PCDHA9: variants seen among roughly 807,000 people sequenced by gnomAD.
PCDHA9 encodes protocadherin alpha-9.
Under a neutral mutation model 62.0 loss-of-function variants are expected in PCDHA9, and 62 were observed. That is an observed-to-expected ratio of 1.00 (90% CI 0.81 to 1.23). PCDHA9 has a LOEUF of 1.23. Ranked by LOEUF, PCDHA9 falls within the 50% of genes most tolerant of loss-of-function variation. The pLI is 0.00. For missense variants in PCDHA9, 1,205 were observed against 1,249.8 expected, an observed-to-expected ratio of 0.96 and a Z score of 0.54; for synonymous variants, 557 against 567.6, an observed-to-expected ratio of 0.98 and a Z score of 0.27.
intron 1 of PCDHA9, chr5:140,928,218 A>G: frequency 6.2e-7 from 1 of 1,614,190 alleles, no homozygotes; most frequent in East Asian, 2.2e-5. Flanking sequence ...ATGACAATAC[A>G]CCAAACTTTC....
intron 1 of PCDHA9, among the ~76,000 whole-genome samples, chr5:140,948,862 C>T (rs1419321480): frequency 6.6e-6 from 1 of 151,398 alleles, no homozygotes; most frequent in Admixed American, 6.6e-5. Context: ...TCTTATATTA[C>T]TTCGGGTTTA....
intron 1 of PCDHA9, chr5:140,854,476 A>G (rs1156843367): frequency 6.7e-6 from 1 of 150,032 alleles, no homozygotes. Flanking sequence ...GTAGAGAAGT[A>G]TAGAAACAGA....
At chr5:140,999,526 C>A (rs1429753507) in intron 3 of PCDHA9, among the ~76,000 whole-genome samples, 2 of 152,026 alleles carry the variant, frequency 1.3e-5, no homozygotes, top group Non-Finnish European at 2.9e-5. Context: ...TTTGTTACCC[C>A]CTGGATATGA....
chr5:140,900,432 C>T (rs782344144), intron 1 of PCDHA9, among the ~76,000 whole-genome samples: 1 of 152,178 alleles, frequency 6.6e-6, no homozygotes, highest in Non-Finnish European at 1.5e-5. Flanking sequence ...CACGTGCCAC[C>T]ACGGCCGGCT....
chr5:140,986,345 C>T (rs1442253492), intron 3 of PCDHA9, among the ~76,000 whole-genome samples: 2 of 152,172 alleles, frequency 1.3e-5, no homozygotes, highest in African/African-American at 4.8e-5. Flanking sequence ...GTTGCAGCCT[C>T]TTCTTCAGAT....
intron 1 of PCDHA9, among the ~76,000 whole-genome samples, chr5:140,950,537 C>T (rs1439965496): frequency 1.3e-5 from 2 of 152,002 alleles, no homozygotes; most frequent in Non-Finnish European, 1.5e-5. Flanking sequence ...TTTTGTTGCT[C>T]TTGCATGGCT....
rs75377875 is a variant in PCDHA9 at position 140,902,598 on chromosome 5, C to T, written c.2394+51709C>T. The stretch of plus-strand genomic sequence containing the variant: ...ATTTCAATAGTTTTGGGAAACAGGT[C>T]GTTTTCAGTTACATGGGTAAGTTAT... On this transcript the variant is annotated intron_variant, in intron 1 of 3. Coordinates refer to ENST00000532602, the MANE Select transcript of PCDHA9 (RefSeq NM_031857.2). Among the ~76,000 whole-genome samples, 274 of 152,044 alleles carry T rather than the reference C, an allele frequency of 1.8e-3. 4 individuals are homozygous for T. In the East Asian group the frequency reaches 0.048, roughly 27 times the overall value.
At chr5:140,870,587 A>T (rs1185262788) in intron 1 of PCDHA9, 2 of 1,613,660 alleles carry the variant, frequency 1.2e-6, no homozygotes, top group East Asian at 2.2e-5. Flanking sequence ...TCGCTGGTGG[A>T]GCGGCGGTTG....
intron 1 of PCDHA9, chr5:140,856,566 CA>C (rs1554148860): frequency 6.3e-7 from 1 of 1,597,240 alleles, no homozygotes; most frequent in South Asian, 1.1e-5. Flanking sequence ...AAACTCAGTC[CA>C]AATGAGTATT....
At chr5:140,879,086 A>G (rs1182722619) in intron 1 of PCDHA9, among the ~76,000 whole-genome samples, 2 of 152,226 alleles carry the variant, frequency 1.3e-5, no homozygotes, top group Admixed American at 6.5e-5. Context: ...ATAAGTAGGA[A>G]CAACTGCACA....
intron 1 of PCDHA9, chr5:140,884,062 C>T (rs1328958684): frequency 8.7e-6 from 14 of 1,613,496 alleles, no homozygotes; most frequent in Non-Finnish European, 1.2e-5. Context: ...GCGCGGTGGA[C>T]GCCGATTCGG....
At chr5:140,997,816 T>C (rs1363819907) in intron 3 of PCDHA9, among the ~76,000 whole-genome samples, 1 of 152,232 alleles carries the variant, frequency 6.6e-6, no homozygotes, top group African/African-American at 2.4e-5. Flanking sequence ...TGTTGGTATC[T>C]ATGTTTTCTA....
In PCDHA9 at chr5:140,969,495, C is replaced by T. The variant is rs1205771172; in HGVS notation, c.2395-9454C>T. On this transcript the variant is annotated intron_variant, in intron 1 of 3. Transcript: ENST00000532602. The stretch of plus-strand genomic sequence containing the variant: ...TTGATCATAATCTGCTATTTCCTCT[C>T]TAGAAAAATAGCACTAAAGAATTGT... 10 of 1,437,770 alleles carry T rather than the reference C, an allele frequency of 7.0e-6. No homozygotes were observed. The African/African-American group carries it at 7.2e-5, about 10-fold the overall frequency. The allele number at this position is 1,437,770 out of a possible 1,614,324, so 89.1% of individuals were successfully genotyped here. A position where few individuals can be genotyped will look rare whatever the true frequency, so the allele number is the denominator to read the frequency against.
intron 1 of PCDHA9, among the ~76,000 whole-genome samples, chr5:140,874,852 A>C (rs2153316930): frequency 6.6e-6 from 1 of 152,334 alleles, no homozygotes; most frequent in African/African-American, 2.4e-5. Context: ...GACATATTTT[A>C]GTTTCTTATC....
At chr5:140,941,215 C>CTTTCTTTCTTTCTTTG (rs2092887387) in intron 1 of PCDHA9, among the ~76,000 whole-genome samples, 2 of 104,510 alleles carry the variant, frequency 1.9e-5, no homozygotes, top group Non-Finnish European at 4.1e-5. Context: ...TTCTTTCTTC[C>CTTTCTTTCTTTCTTTG]TTTCTTTCTT....
At chr5:140,952,675 T>A (rs2153696875) in intron 1 of PCDHA9, among the ~76,000 whole-genome samples, 1 of 152,326 alleles carries the variant, frequency 6.6e-6, no homozygotes, top group East Asian at 1.9e-4. Context: ...ACTTTCACAT[T>A]TTCAGGATCT....
intron 1 of PCDHA9, chr5:140,929,554 C>A (rs899446101): frequency 6.1e-6 from 3 of 488,410 alleles, no homozygotes; most frequent in African/African-American, 4.0e-5. Flanking sequence ...AAAATTAAAA[C>A]CTATTTAAGA....
At chr5:140,874,397 T>A (rs1447759550) in intron 1 of PCDHA9, among the ~76,000 whole-genome samples, 3 of 152,230 alleles carry the variant, frequency 2.0e-5, no homozygotes, top group African/African-American at 7.2e-5. Flanking sequence ...CCCCCTTGCA[T>A]AACAGTCACC....
At chr5:140,887,539 C>T in intron 1 of PCDHA9, among the ~76,000 whole-genome samples, 1 of 152,082 alleles carries the variant, frequency 6.6e-6, no homozygotes, top group East Asian at 1.9e-4. Flanking sequence ...CCTCTCCCCA[C>T]CCCTCATGGT....
Sources: gnomAD v4.1 joint callset for allele counts (sites outside exome capture counted in the v4.1 genomes callset) on GRCh38, gnomAD v4.1.1 for gene constraint, MANE v1.5 for transcripts, NCBI Gene and HGNC (gene_info 2026-07-23, HGNC 2026-07-21) for gene names.